The following FCSK variants were observed in gnomAD, a reference collection of about 807,000 sequenced individuals.
FCSK encodes L-fucose kinase.
Under a neutral mutation model 122.5 loss-of-function variants are expected in FCSK, and 123 were observed. The observed-to-expected ratio is 1.00, with a 90% CI of 0.87 to 1.17. The LOEUF is 1.17. FCSK is among the 50% of genes most tolerant of loss of function. FCSK has a pLI of 0.00. For synonymous variants in FCSK, 620 were observed against 625.5 expected (o/e 0.99, Z 0.13); for missense variants, 1,366 against 1,450.4 (o/e 0.94, Z 0.95).
At chr16:70,463,589 G>A (rs1431857384) in intron 2 of FCSK, 34 bp from the exon 3 acceptor site, 2 of 1,609,206 alleles carry the variant, frequency 1.2e-6, no homozygotes, top group Non-Finnish European at 1.7e-6. Context: ...GCAGAGAGCT[G>A]GGGGGCAGGT....
Position 70,467,370 on chromosome 16 carries a change from A to C in FCSK, c.485-4A>C. On this transcript the variant is annotated splice_polypyrimidine_tract_variant and splice_region_variant and intron_variant, in intron 6 of 23. Transcript: ENST00000288078. ...GGGAGCCTCCTGACTGCCCCACCCC[A>C]CAGGTATCAGCTGGGACAGCTTCCG... is the stretch of plus-strand genomic sequence containing the variant. The C allele has an allele frequency of 6.2e-7, 1 of 1,603,126 alleles. No homozygotes were observed. The highest frequency in any genetic ancestry group is 8.5e-7 in the Non-Finnish European group (1 of 1,175,128).
At chr16:70,474,031 G>A (rs2048715334) in intron 15 of FCSK, 98 bp from the exon 16 acceptor site, 3 of 1,106,578 alleles carry the variant, frequency 2.7e-6, no homozygotes, top group Middle Eastern at 2.9e-4. Flanking sequence ...GAGGTGTGAG[G>A]GGTCTGGCGC....
In FCSK at chr16:70,474,890, A is replaced by G; in HGVS notation, c.2256A>G (p.Ala752=). ...VDGRRPIGAR[A]RRIPEPELWL... ...GCCGCCGGCCCATCGGAGCCAGGGC[A>G]CGCCGCATCCCGGAGCCTGAGCTGT... Residue 752 remains alanine, a synonymous_variant, in exon 18 of 24, where the codon GCA becomes GCG. Coordinates refer to ENST00000288078, the MANE Select transcript of FCSK (RefSeq NM_145059.3). 1 of 1,606,804 alleles carries G rather than the reference A, an allele frequency of 6.2e-7. No homozygotes were observed. The highest frequency in any genetic ancestry group is 1.3e-5 in the African/African-American group (1 of 74,944).
At chr16:70,458,736 C>A (rs1425254418) in intron 1 of FCSK, among the ~76,000 whole-genome samples, 3 of 152,172 alleles carry the variant, frequency 2.0e-5, no homozygotes, top group Non-Finnish European at 4.4e-5. Flanking sequence ...GCATAAGCCA[C>A]CATGCCTGGC....
chr16:70,475,005 GC>G lies in FCSK; in HGVS notation c.2375del (p.Pro792GlnfsTer5). 1 of 1,598,464 alleles carries G rather than the reference GC, an allele frequency of 6.3e-7. No homozygotes were observed. The highest frequency in any genetic ancestry group is 1.1e-5 in the South Asian group (1 of 89,010). On this transcript the variant is annotated frameshift_variant, in exon 18 of 24. Transcript: ENST00000288078. LOFTEE classifies it high-confidence loss of function. Reference sequence around the variant, plus strand: ...CCTGCGGGACTACTGCCAGCCTCATGCCCCAGGTCAGGCACCCTGGGACCTC... The same window carrying G: ...CCTGCGGGACTACTGCCAGCCTCATGCCCAGGTCAGGCACCCTGGGACCTC... ...ADLRDYCQPH[A>X]PGALLKAAFI...
intron 20 of FCSK, among the ~76,000 whole-genome samples, chr16:70,476,990 T>A (rs1008708355): frequency 1.3e-5 from 2 of 152,180 alleles, no homozygotes; most frequent in African/African-American, 4.8e-5. Flanking sequence ...TTACAAACTG[T>A]GCCAAGTGCT....
chr16:70,478,707 T>G, intron 22 of FCSK, 57 bp downstream of exon 22: 1 of 1,468,582 alleles, frequency 6.8e-7, no homozygotes, highest in Non-Finnish European at 9.5e-7. Context: ...CTGTCACTTG[T>G]GGGTTTGAGG....
At chr16:70,458,668 G>T (rs988781546) in intron 1 of FCSK, among the ~76,000 whole-genome samples, 9 of 149,886 alleles carry the variant, frequency 6.0e-5, no homozygotes, top group African/African-American at 2.2e-4. Flanking sequence ...GGCTGGTCTC[G>T]AACTCCTGAC....
chr16:70,463,909 G>T, intron 3 of FCSK, 135 bp downstream of exon 3: 3 of 973,322 alleles, frequency 3.1e-6, no homozygotes, highest in Non-Finnish European at 4.4e-6. Flanking sequence ...CTGTAAATTG[G>T]GCGGACTCAT....
intron 7 of FCSK, 57 bp downstream of exon 7, chr16:70,467,528 C>A: frequency 1.5e-6 from 2 of 1,318,610 alleles, no homozygotes; most frequent in Admixed American, 2.1e-5. Flanking sequence ...TGTCAGTGGG[C>A]AGCCTCCTCC....
chr16:70,455,437 A>T (rs918728771), intron 1 of FCSK, among the ~76,000 whole-genome samples: 1 of 151,912 alleles, frequency 6.6e-6, no homozygotes, highest in Non-Finnish European at 1.5e-5. Flanking sequence ...GTGAGCCAAG[A>T]TCACGCCACT....
At chr16:70,467,817 C>A in intron 7 of FCSK, 69 bp from the exon 8 acceptor site, 1 of 1,329,580 alleles carries the variant, frequency 7.5e-7, no homozygotes. Context: ...TTGCTGCCAC[C>A]TGTGGCTGTG....
rs1274338265 is a variant in FCSK at position 70,470,975 on chromosome 16, A to T, written c.1073A>T (p.Gln358Leu). The T allele has an allele frequency of 1.9e-6, 3 of 1,584,182 alleles. No homozygotes were observed. In the South Asian group the frequency reaches 3.4e-5, roughly 18 times the overall value. Reference sequence around the variant, plus strand: ...TCCTCCTACCTGGCTGCACAGGAGCAGCAGCTTCTGGCGGCCGGGAGCTCT... The same window carrying T: ...TCCTCCTACCTGGCTGCACAGGAGCTGCAGCTTCTGGCGGCCGGGAGCTCT... Reference protein sequence around the residue: ...AQIVHSQVEEQQLLAAGSSVV... With the variant: ...AQIVHSQVEELQLLAAGSSVV... The change falls in exon 12 of 24, where the codon CAG becomes CTG. Residue 358 changes from glutamine (Q) to leucine (L), a missense_variant. Physicochemically the swap from Gln to Leu is moderately radical, Grantham distance 113. Coordinates refer to ENST00000288078, the MANE Select transcript of FCSK (RefSeq NM_145059.3).
intron 1 of FCSK, among the ~76,000 whole-genome samples, chr16:70,456,618 A>C (rs13335135): frequency 0.043 from 6,612 of 152,226 alleles, 498 homozygotes; most frequent in African/African-American, 0.15. Context: ...TCATTCATTG[A>C]GCCACTGGTG....
intron 1 of FCSK, among the ~76,000 whole-genome samples, chr16:70,456,988 C>G (rs998197117): frequency 6.6e-6 from 1 of 151,908 alleles, no homozygotes; most frequent in South Asian, 2.1e-4. Context: ...CCACTGCACT[C>G]CAGCCTGGGT....
chr16:70,474,350 A>C lies in FCSK; in HGVS notation c.1988+11A>C. 1 of 1,611,872 alleles carries C rather than the reference A, an allele frequency of 6.2e-7. No individual in the cohort carries two copies. The highest frequency in any genetic ancestry group is 1.7e-4 in the Middle Eastern group (1 of 6,058). ...CAAGTGGCTAAGCAGGTGTGTACTA[A>C]TGGAGGTCAGATCCCTTGGATAAGC... On this transcript the variant is annotated intron_variant, in intron 16 of 23. Coordinates refer to ENST00000288078, the MANE Select transcript of FCSK (RefSeq NM_145059.3).
chr16:70,461,696 G>T (rs1039800395), intron 1 of FCSK, among the ~76,000 whole-genome samples: 1 of 152,172 alleles, frequency 6.6e-6, no homozygotes, highest in African/African-American at 2.4e-5. Context: ...TGGGGGGTGG[G>T]GTTAGGCATT....
In FCSK at chr16:70,473,241, G is replaced by A; in HGVS notation, c.1665G>A (p.Leu555=). ...SRRDLFFRQA[L]HKARHVLEAR... ...GGGACCTGTTCTTCCGCCAGGCCCT[G>A]CATAAGGCGCGGCACGTGCTGGAGG... Residue 555 remains leucine, a synonymous_variant, in exon 15 of 24, where the codon CTG becomes CTA. Coordinates refer to ENST00000288078, the MANE Select transcript of FCSK (RefSeq NM_145059.3). This position sits in a 1 kb window ranked among gnomAD's most constrained non-coding sequence, Gnocchi z 4.9. The A allele has an allele frequency of 1.3e-6, 2 of 1,534,734 alleles. No homozygotes were observed. The highest frequency in any genetic ancestry group is 1.7e-6 in the Non-Finnish European group (2 of 1,145,364).
Position 70,468,516 on chromosome 16 carries a change from C to T in FCSK, c.664-333C>T, listed in dbSNP as rs536426651. ...CAGAATGTGAGCAAGTTAGGGAGTG[C>T]GGTTGGGAGGAGGCCTAGAGCCAGA... is the stretch of plus-strand genomic sequence containing the variant. On this transcript the variant is annotated intron_variant, in intron 8 of 23. Transcript: ENST00000288078. Among the ~76,000 whole-genome samples the T allele has an allele frequency of 5.3e-5, 8 of 152,254 alleles. No individual in the cohort carries two copies. The South Asian group carries it at 6.2e-4, about 12-fold the overall frequency.
Sources: gnomAD v4.1 joint callset for allele counts (sites outside exome capture counted in the v4.1 genomes callset) on GRCh38, gnomAD v4.1.1 for gene constraint, Gnocchi (gnomAD v3.1) non-coding constraint, MANE v1.5 for transcripts, NCBI Gene and HGNC (gene_info 2026-07-23, HGNC 2026-07-21) for gene names.